CADM1: variants seen among roughly 807,000 people sequenced by gnomAD.
CADM1 encodes the protein TSLC-1.
CADM1 carries 15 observed loss-of-function variants against 53.1 expected under a neutral mutation model. The observed-to-expected ratio is 0.28, with a 90% CI of 0.19 to 0.44. The LOEUF (loss-of-function observed/expected upper bound fraction) is 0.44. Among genes scored for constraint, CADM1 ranks in the 20% least tolerant of loss-of-function variants. CADM1 has a pLI of 1.00. For synonymous variants in CADM1, 281 were observed against 243.0 expected, an observed-to-expected ratio of 1.16 and a Z score of -1.45; for missense variants, 434 against 611.3, an observed-to-expected ratio of 0.71 and a Z score of 3.06.
At chr11:115,495,146 G>A (rs1400533975) in intron 1 of CADM1, among the ~76,000 whole-genome samples, 1 of 152,116 alleles carries the variant, frequency 6.6e-6, no homozygotes, top group Non-Finnish European at 1.5e-5. Context: ...AAATTAACTT[G>A]GTTTTTTTCT....
intron 1 of CADM1, among the ~76,000 whole-genome samples, chr11:115,315,986 G>C (rs940128275): frequency 2.6e-5 from 4 of 152,062 alleles, no homozygotes; most frequent in Non-Finnish European, 5.9e-5. Flanking sequence ...GTTTAATATG[G>C]AGCATTCCAG....
intron 1 of CADM1, among the ~76,000 whole-genome samples, chr11:115,494,013 T>C (rs1224817265): frequency 6.6e-6 from 1 of 152,156 alleles, no homozygotes; most frequent in Non-Finnish European, 1.5e-5. Flanking sequence ...ATAATGGTAT[T>C]GCGTGTGCCC....
At chr11:115,354,996 T>C (rs1945827830) in intron 1 of CADM1, among the ~76,000 whole-genome samples, 1 of 152,222 alleles carries the variant, frequency 6.6e-6, no homozygotes. Flanking sequence ...CCCTTCTTCT[T>C]GAACAAAAAC....
intron 8 of CADM1, among the ~76,000 whole-genome samples, chr11:115,208,988 A>T (rs944969718): frequency 1.3e-5 from 2 of 152,194 alleles, no homozygotes; most frequent in African/African-American, 2.4e-5. Flanking sequence ...CCAATATGTG[A>T]CCGAGGGCAG....
Position 115,229,188 on chromosome 11 carries a change from C to A in CADM1, c.646G>T (p.Val216Phe). ...TGCTCCACCTGGCAGATCACTGGGA[C>A]CCCATCGTCCTCCTTGTGCACCTTC... ...MLKVHKEDDGVPVICQVEHPA... is the reference protein window; with the variant it reads ...MLKVHKEDDGFPVICQVEHPA... The change falls in exon 5 of 12, where the codon GTC becomes TTC. Residue 216 changes from valine (V) to phenylalanine (F), a missense_variant. This residue lies in a region of CADM1 where 311 missense variants were observed against 435.1 expected (regional missense o/e 0.71). Coordinates refer to ENST00000331581, the MANE Select transcript of CADM1 (RefSeq NM_001301043.2). The A allele has an allele frequency of 1.9e-6, 3 of 1,614,120 alleles. No individual in the cohort carries two copies.
rs1938716599 is a variant in CADM1, at chr11:115,169,375, T to C, written c.*7099A>G. 5.8e-6 allele frequency: 2 copies of C among 342,354 alleles called. No homozygotes were observed. The highest frequency in any genetic ancestry group is 4.1e-5 in the Admixed American group (1 of 24,528). The allele number at this position is 342,354 out of a possible 1,614,324, so 21.2% of individuals were successfully genotyped here. On this transcript the variant is annotated 3_prime_UTR_variant, in exon 12 of 12. Transcript: ENST00000331581. ...TATTTTCCATAAACTGTCTTAAGCA[T>C]CTCCCGGGCTACATTTCTGGCTGTG...
chr11:115,238,244 C>A (rs1304037410), intron 3 of CADM1, among the ~76,000 whole-genome samples: 1 of 152,146 alleles, frequency 6.6e-6, no homozygotes, highest in Non-Finnish European at 1.5e-5. Flanking sequence ...CATTTGAGGG[C>A]TCTAAATTCT....
intron 1 of CADM1, among the ~76,000 whole-genome samples, chr11:115,500,692 C>G (rs1949709594): frequency 6.6e-6 from 1 of 152,226 alleles, no homozygotes; most frequent in Non-Finnish European, 1.5e-5. Flanking sequence ...AAAGTGACAT[C>G]TCTTTCCCTT....
intron 1 of CADM1, among the ~76,000 whole-genome samples, chr11:115,335,324 T>C (rs1043428141): frequency 6.6e-6 from 1 of 152,086 alleles, no homozygotes; most frequent in Non-Finnish European, 1.5e-5. Flanking sequence ...AGCAAAAAAA[T>C]TAGAAAAGAA....
chr11:115,371,274 G>A (rs1449948401), intron 1 of CADM1, among the ~76,000 whole-genome samples: 3 of 152,214 alleles, frequency 2.0e-5, no homozygotes. Flanking sequence ...TAAAATGTTT[G>A]ACAAAAGTAA....
In CADM1 at chr11:115,415,429, T is replaced by C. The variant is rs116686637; in HGVS notation, c.124+88842A>G. On this transcript the variant is annotated intron_variant, in intron 1 of 11. Transcript: ENST00000331581. ...GCTAAAACCTAAAAAAAGAGATGTT[T>C]TAAAGAGTCTGCTTGAGTTACAAGT... 7.5e-3 allele frequency among the ~76,000 whole-genome samples: 1,148 copies of C among 152,230 alleles called. 20 individuals carry two copies. Among genetic ancestry groups the C allele is most frequent in the African/African-American group, 0.027 (1,104 of 41,526 alleles).
intron 1 of CADM1, among the ~76,000 whole-genome samples, chr11:115,288,333 A>G (rs1370384236): frequency 6.6e-6 from 1 of 152,186 alleles, no homozygotes; most frequent in Non-Finnish European, 1.5e-5. Flanking sequence ...AAAAAATTAC[A>G]TTTTACAGCA....
At chr11:115,369,676 T>C (rs1310861706) in intron 1 of CADM1, among the ~76,000 whole-genome samples, 1 of 152,166 alleles carries the variant, frequency 6.6e-6, no homozygotes, top group Non-Finnish European at 1.5e-5. Flanking sequence ...AATCACCTAA[T>C]ATTAACAACA....
chr11:115,231,947 T>C (rs549402062), intron 3 of CADM1, among the ~76,000 whole-genome samples: 1 of 152,120 alleles, frequency 6.6e-6, no homozygotes, highest in East Asian at 1.9e-4. Context: ...GATCGTGCCA[T>C]TGCATGCCAG....
At chr11:115,439,916 T>A (rs1181491893) in intron 1 of CADM1, among the ~76,000 whole-genome samples, 2 of 152,244 alleles carry the variant, frequency 1.3e-5, no homozygotes, top group East Asian at 1.9e-4. Context: ...TATATGCTAA[T>A]AAATTTCTTT....
intron 1 of CADM1, among the ~76,000 whole-genome samples, chr11:115,431,644 ATC>A: frequency 6.6e-6 from 1 of 151,920 alleles, no homozygotes; most frequent in East Asian, 1.9e-4. Flanking sequence ...CTCTGCCCAG[ATC>A]TCTGACTCCA....
chr11:115,447,486 G>C (rs950234311), intron 1 of CADM1, among the ~76,000 whole-genome samples: 2 of 152,168 alleles, frequency 1.3e-5, no homozygotes, highest in African/African-American at 4.8e-5. Flanking sequence ...TCTGCTCTGT[G>C]AAAATGGATC....
chr11:115,216,795 G>T (rs903783832), intron 6 of CADM1, among the ~76,000 whole-genome samples: 1 of 152,142 alleles, frequency 6.6e-6, no homozygotes, highest in African/African-American at 2.4e-5. Flanking sequence ...CCAACAGCAG[G>T]CAGAGCCCCC....
intron 10 of CADM1, among the ~76,000 whole-genome samples, chr11:115,181,872 G>A (rs532896893): frequency 2.1e-4 from 32 of 152,330 alleles, no homozygotes; most frequent in South Asian, 2.1e-4. Context: ...TGAAGCAGCC[G>A]TGCAAGATGC....
Sources: allele counts gnomAD v4.1 joint callset (sites outside exome capture counted in the v4.1 genomes callset), GRCh38; gene constraint gnomAD v4.1.1; regional missense constraint gnomAD v4.1.1; transcripts MANE v1.5; gene names NCBI Gene and HGNC (gene_info 2026-07-23, HGNC 2026-07-21).